SLC36A3: variants seen among roughly 807,000 people sequenced by gnomAD.
SLC36A3 encodes solute carrier family 36 member 3, also known as proton-coupled amino acid transporter 3.
Under a neutral mutation model 44.3 loss-of-function variants are expected in SLC36A3, and 35 were observed. The ratio of observed to expected loss-of-function variants is 0.79; its 90% CI spans 0.60 to 1.05. SLC36A3 has a LOEUF of 1.05. Ranked by LOEUF, SLC36A3 falls within the 50% of genes least tolerant of loss-of-function variation. SLC36A3 has a pLI of 0.00. For synonymous variants in SLC36A3, 211 were observed against 227.6 expected (o/e 0.93, Z 0.66); for missense variants, 540 against 578.7 (o/e 0.93, Z 0.69).
At chr5:151,282,111 G>GTTTTTTTTTTTTTT (rs70976011) in intron 8 of SLC36A3, among the ~76,000 whole-genome samples, 6 of 56,102 alleles carry the variant, frequency 1.1e-4, no homozygotes, top group Non-Finnish European at 1.6e-4. Context: ...CTTTTTCTTT[G>GTTTTTTTTTTTTTT]TTTTTTTTTT....
rs1266989231 is a variant in SLC36A3 at position 151,288,460 on chromosome 5, T to C, written c.415A>G (p.Ser139Gly). 2.5e-6 allele frequency: 4 copies of C among 1,576,420 alleles called. No individual in the cohort carries two copies. In the South Asian group the frequency reaches 4.8e-5, roughly 19 times the overall value. Residue 139 changes from serine to glycine, a missense_variant, in exon 5 of 10, where the codon AGC becomes GGC. Transcript: ENST00000335230. ...AGCTGGGTGATGACTAATAAGAAGC[T>C]GACAGTGTACCTGGGAAGGAAAGGA... Reference protein sequence around the residue: ...AHAVWGRYTVSFLLVITQLGF... With the variant: ...AHAVWGRYTVGFLLVITQLGF...
At chr5:151,299,262 CTCTATATATATATA>C (rs1400158696) in intron 1 of SLC36A3, among the ~76,000 whole-genome samples, 7 of 64,442 alleles carry the variant, frequency 1.1e-4, no homozygotes, top group Admixed American at 6.6e-4. Context: ...CTCTCTCTCT[CTCTATATATATATA>C]TATATATATA....
At chr5:151,285,341 C>T (rs1358165324) in intron 6 of SLC36A3, among the ~76,000 whole-genome samples, 1 of 152,192 alleles carries the variant, frequency 6.6e-6, no homozygotes, top group Non-Finnish European at 1.5e-5. Context: ...GGAGCCCGCT[C>T]ATCTCTACAT....
chr5:151,294,112 T>C (rs1461688807), intron 3 of SLC36A3, among the ~76,000 whole-genome samples: 1 of 152,220 alleles, frequency 6.6e-6, no homozygotes, highest in Non-Finnish European at 1.5e-5. Context: ...TCCAGCCTTC[T>C]TCAGATACCA....
At chr5:151,299,097 A>G (rs114027068) in intron 1 of SLC36A3, among the ~76,000 whole-genome samples, 2,517 of 152,082 alleles carry the variant, frequency 0.017, 47 homozygotes, top group Non-Finnish European at 0.027. Flanking sequence ...ACAGTGAGAC[A>G]TCAGGTTATT....
chr5:151,298,543 C>G (rs369488561), intron 2 of SLC36A3, 50 bp downstream of exon 2: 145 of 1,584,282 alleles, frequency 9.2e-5, no homozygotes, highest in Non-Finnish European at 7.8e-5. Flanking sequence ...ACCTATCACC[C>G]CCTTCTGCAA....
At position 151,298,696 on chromosome 5, in the gene SLC36A3, G is replaced by A; in HGVS notation, c.129-13C>T. 1 of 1,613,462 alleles carries A rather than the reference G, an allele frequency of 6.2e-7. No homozygotes were observed. ...AGTTTGCATCATCCTGTGGTGGGGA[G>A]AGTAGGGAGACAGAGGGTACTGTTA... On this transcript the variant is annotated splice_polypyrimidine_tract_variant and intron_variant, in intron 1 of 9. Coordinates refer to ENST00000335230, the MANE Select transcript of SLC36A3 (RefSeq NM_181774.4).
At chr5:151,296,533 A>C in intron 2 of SLC36A3, 10 of 497,494 alleles carry the variant, frequency 2.0e-5, no homozygotes, top group Admixed American at 3.5e-5. Context: ...GCATTTTCTC[A>C]TTTTCCTTGA....
intron 6 of SLC36A3, among the ~76,000 whole-genome samples, 199 bp from the exon 7 acceptor site, chr5:151,284,910 C>G (rs988512775): frequency 1.3e-5 from 2 of 152,052 alleles, no homozygotes; most frequent in African/African-American, 4.8e-5. Flanking sequence ...AACATTTTAC[C>G]ATTTTAACTA....
At chr5:151,290,662 G>A (rs890359169) in intron 4 of SLC36A3, among the ~76,000 whole-genome samples, 10 of 152,262 alleles carry the variant, frequency 6.6e-5, no homozygotes, top group Non-Finnish European at 1.2e-4. Context: ...TTGCAAGGCC[G>A]AGGCGGGCGG....
chr5:151,303,630 C>A lies in SLC36A3; in HGVS notation c.-276G>T. ...CTCAGTTTCACTCGCAATTGCTTGC[C>A]CAACCAGGACTTGCCTGGGCTTTTG... On this transcript the variant is annotated 5_prime_UTR_variant, in exon 1 of 10. Coordinates refer to ENST00000335230, the MANE Select transcript of SLC36A3 (RefSeq NM_181774.4). The A allele has an allele frequency of 2.8e-6, 1 of 362,072 alleles. No individual in the cohort carries two copies. Among genetic ancestry groups the A allele is most frequent in the African/African-American group, 2.0e-5 (1 of 49,018 alleles). The allele number at this position is 362,072 out of a possible 1,614,324, so 22.4% of individuals were successfully genotyped here. A position where few individuals can be genotyped will look rare whatever the true frequency, so the allele number is the denominator to read the frequency against.
At chr5:151,280,017 G>A (rs1347146) in intron 9 of SLC36A3, among the ~76,000 whole-genome samples, 9,611 of 152,120 alleles carry the variant, frequency 0.063, 996 homozygotes, top group African/African-American at 0.22. Flanking sequence ...GTGATCCTCC[G>A]TCTAGACATG....
Position 151,287,381 on chromosome 5 carries a change from G to T in SLC36A3, c.573C>A (p.Phe191Leu). The T allele has an allele frequency of 6.2e-7, 1 of 1,614,154 alleles. No individual in the cohort carries two copies. The highest frequency in any genetic ancestry group is 8.5e-7 in the Non-Finnish European group (1 of 1,180,012). Reference sequence around the variant, plus strand: ...GGAAGGGCAGGATTATCAGCATGTAGAAACGAATGTCCAGGATGGGGGTCA... The same window carrying T: ...GGAAGGGCAGGATTATCAGCATGTATAAACGAATGTCCAGGATGGGGGTCA... Reference protein sequence around the residue: ...LTLTPILDIRFYMLIILPFLI... With the variant: ...LTLTPILDIRLYMLIILPFLI... Residue 191 changes from phenylalanine to leucine, a missense_variant, in exon 6 of 10, where the codon TTC becomes TTA. Coordinates refer to ENST00000335230, the MANE Select transcript of SLC36A3 (RefSeq NM_181774.4).
intron 9 of SLC36A3, among the ~76,000 whole-genome samples, chr5:151,278,827 A>T (rs938334591): frequency 2.6e-5 from 4 of 152,214 alleles, no homozygotes; most frequent in Non-Finnish European, 4.4e-5. Context: ...GAGAAAACTC[A>T]GCATCAGTCT....
intron 2 of SLC36A3, 111 bp downstream of exon 2, chr5:151,298,482 G>T: frequency 9.6e-7 from 1 of 1,038,490 alleles, no homozygotes; most frequent in Non-Finnish European, 1.4e-6. Context: ...ATTTTCAATT[G>T]CAGAGGGTAC....
chr5:151,293,278 A>G (rs1754827022), intron 4 of SLC36A3, 86 bp downstream of exon 4: 1 of 1,146,360 alleles, frequency 8.7e-7, no homozygotes, highest in Non-Finnish European at 1.3e-6. Context: ...ATAAGAGCAT[A>G]TTCATTTAAA....
chr5:151,289,574 G>C (rs1346378612), intron 4 of SLC36A3, among the ~76,000 whole-genome samples: 2 of 151,854 alleles, frequency 1.3e-5, no homozygotes, highest in Non-Finnish European at 2.9e-5. Context: ...GTTATTATCT[G>C]TTAGAGCTAC....
At chr5:151,284,255 T>C in intron 7 of SLC36A3, 45 bp from the exon 8 acceptor site, 1 of 1,550,876 alleles carries the variant, frequency 6.4e-7, no homozygotes, top group Non-Finnish European at 8.7e-7. Context: ...TAGAAAGAGA[T>C]GTGGCCCATT....
chr5:151,283,972 G>A (rs1350607001), intron 8 of SLC36A3, 72 bp downstream of exon 8: 30 of 1,499,268 alleles, frequency 2.0e-5, no homozygotes, highest in Non-Finnish European at 2.1e-5. Flanking sequence ...CAGCTTTGCT[G>A]TGCTCTCTGC....
Sources: gnomAD v4.1 joint callset for allele counts (sites outside exome capture counted in the v4.1 genomes callset) on GRCh38, gnomAD v4.1.1 for gene constraint, MANE v1.5 for transcripts, NCBI Gene and HGNC (gene_info 2026-07-23, HGNC 2026-07-21) for gene names.